RBFOX1: variants seen among roughly 807,000 people sequenced by gnomAD.
RBFOX1 encodes the protein RNA binding fox-1 homolog 1, also known as RNA binding protein fox-1 homolog 1.
Under a neutral mutation model 57.7 loss-of-function variants are expected in RBFOX1, and 8 were observed. The observed-to-expected ratio is 0.14, with a 90% CI of 0.08 to 0.25. The LOEUF is 0.25. RBFOX1 is among the 10% of genes least tolerant of loss of function. RBFOX1 has a pLI of 1.00. For synonymous variants in RBFOX1, 326 were observed against 222.4 expected, an observed-to-expected ratio of 1.47 and a Z score of -4.15; for missense variants, 611 against 548.5, an observed-to-expected ratio of 1.11 and a Z score of -1.14.
intron 3 of RBFOX1, among the ~76,000 whole-genome samples, chr16:5,814,366 C>T (rs1367977943): frequency 6.6e-6 from 1 of 152,194 alleles, no homozygotes; most frequent in African/African-American, 2.4e-5. Context: ...TGTTTGCTTC[C>T]TGCCTTCCCA....
chr16:6,487,735 ATATATATATATATAT>A (rs1479855426), intron 2 of RBFOX1, among the ~76,000 whole-genome samples: 788 of 58,188 alleles, frequency 0.014, 41 homozygotes, highest in East Asian at 0.069. Flanking sequence ...ATATATATAT[ATATATATATATATAT>A]ATATAAAATA....
rs577842739 is a variant in RBFOX1, at chr16:6,341,908, C to T, written c.-64+24851C>T. Among the ~76,000 whole-genome samples, 3 of 152,318 alleles carry T rather than the reference C, an allele frequency of 2.0e-5. No homozygotes were observed. In the South Asian group the frequency reaches 6.2e-4, roughly 32 times the overall value. ...ACGATTCTCGTGATTCCACTGAACC[C>T]ACCTGGATCATTCAGAATAATTTCT... On this transcript the variant is annotated intron_variant, in intron 2 of 15. Transcript: ENST00000550418.
chr16:5,363,985 C>T (rs2065632268), intron 1 of RBFOX1, among the ~76,000 whole-genome samples: 1 of 152,184 alleles, frequency 6.6e-6, no homozygotes, highest in Non-Finnish European at 1.5e-5. Flanking sequence ...CCAGTGTGTG[C>T]AATCAGTTTC....
At chr16:7,215,849 C>G (rs1024586048) in intron 4 of RBFOX1, among the ~76,000 whole-genome samples, 3 of 151,894 alleles carry the variant, frequency 2.0e-5, no homozygotes, top group South Asian at 2.1e-4. Flanking sequence ...CTCAGCCTCC[C>G]GATTAGCTGG....
chr16:7,241,363 A>G (rs766567145), intron 4 of RBFOX1, among the ~76,000 whole-genome samples: 43 of 152,300 alleles, frequency 2.8e-4, no homozygotes, highest in Non-Finnish European at 5.7e-4. Flanking sequence ...TATCTTGGAA[A>G]GAGCATGTGA....
At chr16:7,549,360 G>A (rs1433271910) in intron 5 of RBFOX1, among the ~76,000 whole-genome samples, 1 of 152,198 alleles carries the variant, frequency 6.6e-6, no homozygotes, top group East Asian at 1.9e-4. Context: ...AGGAGTTTAG[G>A]TGTAATTCTA....
At chr16:6,525,398 C>T (rs181177513) in intron 2 of RBFOX1, among the ~76,000 whole-genome samples, 291 of 152,246 alleles carry the variant, frequency 1.9e-3, no homozygotes, top group African/African-American at 6.7e-3. Flanking sequence ...AGCCATGAAG[C>T]ATTGGTAGGA....
intron 4 of RBFOX1, among the ~76,000 whole-genome samples, chr16:7,467,870 C>A (rs568313109): frequency 6.6e-6 from 1 of 152,302 alleles, no homozygotes; most frequent in Non-Finnish European, 1.5e-5. Context: ...AAGTAATGAG[C>A]CTGATCTGAT....
intron 3 of RBFOX1, among the ~76,000 whole-genome samples, chr16:5,763,809 T>A (rs2053673736): frequency 6.6e-6 from 1 of 152,232 alleles, no homozygotes. Flanking sequence ...TTTGCTCAAA[T>A]GCTCCCTTCT....
chr16:5,954,262 C>A (rs72770950), intron 4 of RBFOX1, among the ~76,000 whole-genome samples: 33,857 of 152,032 alleles, frequency 0.22, 4,375 homozygotes, highest in Middle Eastern at 0.46. Context: ...TTGTGACAGA[C>A]CCCCACCCAC....
chr16:7,489,576 T>C (rs187492589), intron 4 of RBFOX1, among the ~76,000 whole-genome samples: 2 of 152,174 alleles, frequency 1.3e-5, no homozygotes, highest in South Asian at 2.1e-4. Flanking sequence ...AATGCGGTGG[T>C]ACCATCATAG....
chr16:6,292,066 C>T (rs535222818), intron 1 of RBFOX1, among the ~76,000 whole-genome samples: 1 of 152,156 alleles, frequency 6.6e-6, no homozygotes, highest in South Asian at 2.1e-4. Flanking sequence ...TGTGCCTTTG[C>T]ACTTTGACTT....
rs1345139973 is a variant in RBFOX1 at position 5,330,980 on chromosome 16, G to T, written c.219+90875G>T. ...AAAGCACAAATACCCAGGCTCTCTG[G>T]TGGTTTTTTTCCAATTAAATTTAAG... On this transcript the variant is annotated intron_variant, in intron 1 of 2. Transcript: ENST00000585867. Among the ~76,000 whole-genome samples, 6 of 29,878 alleles carry T rather than the reference G, an allele frequency of 2.0e-4. No individual in the cohort carries two copies. The Non-Finnish European group carries it at 0.016, about 82-fold the overall frequency. The allele number at this position is 29,878 out of a possible 152,430, so 19.6% of individuals were successfully genotyped here. A position where few individuals can be genotyped will look rare whatever the true frequency, so the allele number is the denominator to read the frequency against.
In RBFOX1 at chr16:5,786,266, T is replaced by C. The variant is rs1238991457; in HGVS notation, c.319-81037T>C. ...TTCCTCTCTTGCTCCTGCTCAGCCT[T>C]GAGATTCCAGCTTGTCTCTTAGCTC... is the stretch of plus-strand genomic sequence containing the variant. On this transcript the variant is annotated intron_variant, in intron 3 of 19. Transcript: ENST00000641259. Among the ~76,000 whole-genome samples, 4 of 152,162 alleles carry C rather than the reference T, an allele frequency of 2.6e-5. No homozygotes were observed. In the South Asian group the frequency reaches 6.2e-4, roughly 24 times the overall value.
chr16:7,512,524 T>C (rs2075360602), intron 4 of RBFOX1, among the ~76,000 whole-genome samples: 2 of 152,206 alleles, frequency 1.3e-5, no homozygotes, highest in African/African-American at 2.4e-5. Context: ...AATAAGTAAC[T>C]GTAGGGGGTC....
intron 5 of RBFOX1, among the ~76,000 whole-genome samples, chr16:7,529,002 T>C (rs905988723): frequency 5.3e-5 from 8 of 152,186 alleles, no homozygotes; most frequent in African/African-American, 1.9e-4. Context: ...CTCACATCTG[T>C]AATCCCAGCA....
intron 2 of RBFOX1, among the ~76,000 whole-genome samples, chr16:6,510,871 A>G (rs1439409125): frequency 2.0e-5 from 3 of 151,582 alleles, no homozygotes; most frequent in East Asian, 3.9e-4. Context: ...AAAAAAAGGA[A>G]AAAAAGGTAT....
Position 7,246,245 on chromosome 16 carries a change from C to A in RBFOX1, c.27+194147C>A, listed in dbSNP as rs546261295. Among the ~76,000 whole-genome samples, 6 of 152,268 alleles carry A rather than the reference C, an allele frequency of 3.9e-5. No individual in the cohort carries two copies. The South Asian group carries it at 1.0e-3, about 26-fold the overall frequency. On this transcript the variant is annotated intron_variant, in intron 4 of 15. Coordinates refer to ENST00000550418, the MANE Select transcript of RBFOX1 (RefSeq NM_018723.4). ...AATTTGGAAGGAATCCTTAGCCTCT[C>A]CACAGCCACCACCCTAATCCAATGC...
intron 2 of RBFOX1, among the ~76,000 whole-genome samples, chr16:5,590,554 C>T (rs906958774): frequency 5.3e-5 from 8 of 152,038 alleles, no homozygotes; most frequent in African/African-American, 1.4e-4. Context: ...TCTTGGCTGC[C>T]GTACTGTGAT....
Sources: gnomAD v4.1 joint callset for allele counts (sites outside exome capture counted in the v4.1 genomes callset) on GRCh38, gnomAD v4.1.1 for gene constraint, MANE v1.5 for transcripts, NCBI Gene and HGNC (gene_info 2026-07-23, HGNC 2026-07-21) for gene names.